The following SOX6 variants were observed in gnomAD, a reference collection of about 807,000 sequenced individuals.
The protein encoded by SOX6 is transcription factor SOX-6.
A neutral mutation model predicts 97.8 loss-of-function variants in SOX6; 11 were observed. The observed-to-expected ratio is 0.11, with a 90% CI of 0.07 to 0.19. The LOEUF is 0.19. Among genes scored for constraint, SOX6 ranks in the 10% least tolerant of loss-of-function variants. SOX6 has a pLI of 1.00. For synonymous variants in SOX6, 360 were observed against 371.4 expected (o/e 0.97, Z 0.35); for missense variants, 810 against 1,039.5 (o/e 0.78, Z 3.04).
intron 3 of SOX6, among the ~76,000 whole-genome samples, chr11:16,239,376 G>A (rs1424218287): frequency 1.3e-5 from 2 of 151,950 alleles, no homozygotes; most frequent in African/African-American, 4.8e-5. Context: ...AGTATAAATA[G>A]AGGCTGTTTT....
chr11:16,611,128 C>T (rs571586966), intron 4 of SOX6, among the ~76,000 whole-genome samples: 4 of 152,360 alleles, frequency 2.6e-5, no homozygotes, highest in African/African-American at 9.6e-5. Context: ...TAACTTTGGC[C>T]TCGCACCTCC....
chr11:16,013,462 C>G lies in SOX6; in HGVS notation c.1732+1480G>C, dbSNP rs527516462. 4.6e-5 allele frequency among the ~76,000 whole-genome samples: 7 copies of G among 152,052 alleles called. No individual in the cohort carries two copies. In the East Asian group the frequency reaches 5.8e-4, roughly 13 times the overall value. On this transcript the variant is annotated intron_variant, in intron 13 of 15. Transcript: ENST00000683767. ...GCTCCCTAGGCAGAGGAACCTCAAC[C>G]CTTATCGGTGGAAAACCTGCACTTT... is the stretch of plus-strand genomic sequence containing the variant.
chr11:16,348,689 T>C (rs1590146436), intron 1 of SOX6, among the ~76,000 whole-genome samples: 1 of 152,294 alleles, frequency 6.6e-6, no homozygotes, highest in South Asian at 2.1e-4. Flanking sequence ...TTAAAGGGTA[T>C]GTCAGCGCAT....
At chr11:16,469,598 T>TC (rs1350520679) in intron 1 of SOX6, among the ~76,000 whole-genome samples, 4 of 152,152 alleles carry the variant, frequency 2.6e-5, no homozygotes, top group Non-Finnish European at 5.9e-5. Flanking sequence ...CATTAAGGTC[T>TC]CCAACAATGG....
At chr11:16,150,740 A>AT (rs1474725803) in intron 6 of SOX6, among the ~76,000 whole-genome samples, 1 of 152,110 alleles carries the variant, frequency 6.6e-6, no homozygotes, top group Admixed American at 6.6e-5. Flanking sequence ...CTATTAAGCC[A>AT]TTTTTTTGCA....
At chr11:16,349,984 T>C (rs1216877626) in intron 1 of SOX6, among the ~76,000 whole-genome samples, 2 of 152,166 alleles carry the variant, frequency 1.3e-5, no homozygotes, top group Non-Finnish European at 2.9e-5. Context: ...ATACTTCTGT[T>C]CTAAATAACA....
At chr11:15,987,275 G>C (rs1174616075) in intron 14 of SOX6, among the ~76,000 whole-genome samples, 1 of 152,106 alleles carries the variant, frequency 6.6e-6, no homozygotes, top group African/African-American at 2.4e-5. Flanking sequence ...ATAAACAAAT[G>C]GAAAAGTTGT....
chr11:16,282,786 C>G (rs1854604246), intron 3 of SOX6, among the ~76,000 whole-genome samples: 1 of 150,862 alleles, frequency 6.6e-6, no homozygotes, highest in South Asian at 2.1e-4. Context: ...CGCCAAAAAA[C>G]TATACATTTT....
intron 3 of SOX6, among the ~76,000 whole-genome samples, chr11:16,656,167 C>T (rs931930650): frequency 1.3e-5 from 2 of 152,096 alleles, no homozygotes; most frequent in African/African-American, 4.8e-5. Flanking sequence ...CAACCTCCGA[C>T]TCCCTGGTTC....
intron 3 of SOX6, among the ~76,000 whole-genome samples, chr11:16,691,774 G>A (rs926490803): frequency 1.3e-5 from 2 of 152,098 alleles, no homozygotes; most frequent in African/African-American, 2.4e-5. Flanking sequence ...TCCAGCCTAG[G>A]CAACAAGAAT....
At chr11:16,361,177 T>C (rs1471415885), upstream of SOX6, among the ~76,000 whole-genome samples, 4 of 152,148 alleles carry the variant, frequency 2.6e-5, no homozygotes, top group Admixed American at 2.6e-4. Flanking sequence ...AAATGTTAAG[T>C]GACTTGTTCA....
intron 3 of SOX6, among the ~76,000 whole-genome samples, chr11:16,298,626 A>G (rs1460968006): frequency 6.6e-6 from 1 of 152,156 alleles, no homozygotes; most frequent in East Asian, 1.9e-4. Flanking sequence ...AATTGAATAA[A>G]TGGTCCATTC....
intron 6 of SOX6, among the ~76,000 whole-genome samples, chr11:16,146,392 A>G (rs1385351955): frequency 6.6e-6 from 1 of 152,234 alleles, no homozygotes; most frequent in East Asian, 1.9e-4. Context: ...CTAAAACCAT[A>G]AAAACCCTAG....
chr11:16,510,335 T>A (rs12276256), intron 4 of SOX6, among the ~76,000 whole-genome samples: 33,474 of 152,034 alleles, frequency 0.22, 4,190 homozygotes, highest in East Asian at 0.51. Flanking sequence ...ATGGCCTATT[T>A]ATCTTAATTC....
chr11:16,346,004 T>G (rs1344864782), intron 1 of SOX6, among the ~76,000 whole-genome samples: 1 of 152,002 alleles, frequency 6.6e-6, no homozygotes, highest in African/African-American at 2.4e-5. Context: ...GGCATTCACT[T>G]TCCAGGTGTG....
intron 4 of SOX6, among the ~76,000 whole-genome samples, chr11:16,208,035 C>T (rs935343162): frequency 7.9e-5 from 12 of 152,148 alleles, no homozygotes; most frequent in Admixed American, 3.9e-4. Context: ...GTTATTTCTT[C>T]CCAACATAAA....
intron 4 of SOX6, among the ~76,000 whole-genome samples, chr11:16,189,197 T>C (rs1851564879): frequency 6.6e-6 from 1 of 152,102 alleles, no homozygotes; most frequent in South Asian, 2.1e-4. Context: ...GGTGCCCAAG[T>C]TCAGGGAAAG....
intron 7 of SOX6, among the ~76,000 whole-genome samples, chr11:16,100,018 G>C (rs1016149079): frequency 6.6e-6 from 1 of 151,726 alleles, no homozygotes; most frequent in East Asian, 1.9e-4. Flanking sequence ...GGCAGGAGGG[G>C]TAGAAGATGA....
chr11:16,084,325 A>G (rs757623657), intron 9 of SOX6, among the ~76,000 whole-genome samples: 2 of 152,112 alleles, frequency 1.3e-5, no homozygotes, highest in Non-Finnish European at 2.9e-5. Context: ...GACTATTACT[A>G]TAAGAGGGCA....
Sources: allele counts gnomAD v4.1 joint callset (sites outside exome capture counted in the v4.1 genomes callset), GRCh38; gene constraint gnomAD v4.1.1; transcripts MANE v1.5; gene names NCBI Gene and HGNC (gene_info 2026-07-23, HGNC 2026-07-21).